Variants in CHST8 observed in about 807,000 individuals in gnomAD.
CHST8 encodes GALNAC-4-ST1.
CHST8 carries 10 observed loss-of-function variants against 15.0 expected under a neutral mutation model. The ratio of observed to expected loss-of-function variants is 0.67; its 90% CI spans 0.41 to 1.13. The LOEUF (loss-of-function observed/expected upper bound fraction) is 1.13. Ranked by LOEUF, CHST8 falls within the 50% of genes most tolerant of loss-of-function variation. The pLI is 0.00. For missense variants in CHST8, 634 were observed against 608.2 expected (o/e 1.04, Z -0.45); for synonymous variants, 259 against 256.6 (o/e 1.01, Z -0.09).
At chr19:33,652,887 C>T (rs570895288) in intron 1 of CHST8, among the ~76,000 whole-genome samples, 16 of 152,122 alleles carry the variant, frequency 1.1e-4, no homozygotes, top group Admixed American at 9.2e-4. Flanking sequence ...TTGGTTTAAC[C>T]CAATATGATT....
chr19:33,684,917 G>A (rs1356405997), intron 2 of CHST8: 2 of 152,312 alleles, frequency 1.3e-5, no homozygotes, highest in Admixed American at 6.6e-5. Context: ...CTCCCAACAA[G>A]CAGCTTCTCC....
intron 3 of CHST8, among the ~76,000 whole-genome samples, chr19:33,691,856 C>T (rs992107858): frequency 6.6e-6 from 1 of 152,174 alleles, no homozygotes; most frequent in African/African-American, 2.4e-5. Flanking sequence ...TGGAGATGAG[C>T]GGATCTACGG....
chr19:33,770,065 G>A (rs1000122225), intron 3 of CHST8, among the ~76,000 whole-genome samples: 7 of 152,172 alleles, frequency 4.6e-5, no homozygotes, highest in African/African-American at 1.7e-4. Flanking sequence ...GGAGACGTGC[G>A]GGCACGGCCT....
chr19:33,709,621 TG>T (rs990592667), intron 3 of CHST8, among the ~76,000 whole-genome samples: 2 of 151,724 alleles, frequency 1.3e-5, no homozygotes, highest in African/African-American at 4.9e-5. Flanking sequence ...AATTTTGTTG[TG>T]GATTTTTTTT....
intron 3 of CHST8, among the ~76,000 whole-genome samples, chr19:33,719,241 G>A (rs1454208681): frequency 6.6e-6 from 1 of 150,570 alleles, no homozygotes; most frequent in Non-Finnish European, 1.5e-5. Context: ...CCTTCTGTCA[G>A]CCGGGGGTGG....
intron 1 of CHST8, among the ~76,000 whole-genome samples, chr19:33,662,408 C>A (rs940442162): frequency 6.6e-6 from 1 of 152,198 alleles, no homozygotes; most frequent in Non-Finnish European, 1.5e-5. Context: ...TCACTCCACA[C>A]CCAGCTACAT....
intron 1 of CHST8, among the ~76,000 whole-genome samples, chr19:33,628,279 C>G (rs1473745681): frequency 6.6e-6 from 1 of 152,182 alleles, no homozygotes; most frequent in Non-Finnish European, 1.5e-5. Flanking sequence ...CCCATGTCGC[C>G]AGCAGAGTGA....
chr19:33,639,857 TGAGACAGAG>T (rs1972257207), intron 1 of CHST8, among the ~76,000 whole-genome samples: 2 of 133,664 alleles, frequency 1.5e-5, no homozygotes, highest in African/African-American at 5.8e-5. Context: ...TTTTTTTTTT[TGAGACAGAG>T]TCTCACTCTG....
intron 1 of CHST8, among the ~76,000 whole-genome samples, chr19:33,648,703 T>C (rs1972388501): frequency 6.6e-6 from 1 of 152,160 alleles, no homozygotes; most frequent in East Asian, 1.9e-4. Flanking sequence ...ATTCCACTCC[T>C]GGGTGTATAC....
chr19:33,738,095 C>T (rs750908769), intron 3 of CHST8, among the ~76,000 whole-genome samples: 3 of 152,214 alleles, frequency 2.0e-5, no homozygotes, highest in Non-Finnish European at 4.4e-5. Context: ...GCTGCTAGAA[C>T]ATTCTGCTAG....
chr19:33,759,260 G>A (rs548063506), intron 3 of CHST8, among the ~76,000 whole-genome samples: 1 of 152,336 alleles, frequency 6.6e-6, no homozygotes, highest in Non-Finnish European at 1.5e-5. Context: ...TGACTCACTT[G>A]CTTCTATTTG....
intron 3 of CHST8, among the ~76,000 whole-genome samples, chr19:33,724,832 G>T (rs1973863973): frequency 6.6e-6 from 1 of 152,200 alleles, no homozygotes; most frequent in Non-Finnish European, 1.5e-5. Context: ...CTCTCCTTGG[G>T]CACTGACAGA....
intron 3 of CHST8, among the ~76,000 whole-genome samples, chr19:33,760,491 T>C (rs1367367047): frequency 8.8e-5 from 13 of 148,002 alleles, no homozygotes; most frequent in Admixed American, 8.0e-4. Flanking sequence ...GCTAATTTTT[T>C]CATTTTTTTT....
chr19:33,638,379 C>T (rs1409789551), intron 1 of CHST8, among the ~76,000 whole-genome samples: 2 of 152,106 alleles, frequency 1.3e-5, no homozygotes, highest in African/African-American at 2.4e-5. Flanking sequence ...CACAAAGCCT[C>T]GTGGGTTTTC....
Position 33,625,443 on chromosome 19 carries a change from G to A in CHST8, c.-164+3147G>A, listed in dbSNP as rs903525006. The stretch of plus-strand genomic sequence containing the variant: ...CGATAAACACCATGTGGAATGAGTG[G>A]CCAGCCTTTCAGCTAACCAGAAGGT... On this transcript the variant is annotated intron_variant, in intron 1 of 4. Transcript: ENST00000650847. Among the ~76,000 whole-genome samples, 10 of 152,210 alleles carry A rather than the reference G, an allele frequency of 6.6e-5. No homozygotes were observed. In the East Asian group the frequency reaches 1.7e-3, roughly 26 times the overall value.
intron 1 of CHST8, among the ~76,000 whole-genome samples, chr19:33,649,322 T>C (rs1972401933): frequency 6.6e-6 from 1 of 152,194 alleles, no homozygotes; most frequent in Non-Finnish European, 1.5e-5. Context: ...TCTTTTCACA[T>C]GCTTATTTGC....
chr19:33,634,789 G>A (rs1192781550), intron 1 of CHST8, among the ~76,000 whole-genome samples: 2 of 151,654 alleles, frequency 1.3e-5, no homozygotes, highest in Admixed American at 1.3e-4. Flanking sequence ...TGGGTTGAAG[G>A]GTTTCCCATT....
intron 3 of CHST8, among the ~76,000 whole-genome samples, chr19:33,763,176 GT>G (rs1232668176): frequency 6.6e-6 from 1 of 152,274 alleles, no homozygotes; most frequent in Non-Finnish European, 1.5e-5. Context: ...AATTTTTGAT[GT>G]GCTAAGCCTG....
At chr19:33,767,381 T>G (rs1185799548) in intron 3 of CHST8, among the ~76,000 whole-genome samples, 1 of 152,222 alleles carries the variant, frequency 6.6e-6, no homozygotes, top group Non-Finnish European at 1.5e-5. Context: ...CATGCTGGTA[T>G]AGCCTCCTCC....
Sources: gnomAD v4.1 joint callset for allele counts (sites outside exome capture counted in the v4.1 genomes callset) on GRCh38, gnomAD v4.1.1 for gene constraint, MANE v1.5 for transcripts, NCBI Gene and HGNC (gene_info 2026-07-23, HGNC 2026-07-21) for gene names.